Variants in BTNL9 observed in about 807,000 individuals in gnomAD.
BTNL9 encodes butyrophilin-like protein 9.
In BTNL9, 45 loss-of-function variants were observed where a neutral mutation model predicts 45.8. That is an observed-to-expected ratio of 0.98 (90% CI 0.77 to 1.26). The LOEUF is 1.26. Ranked by LOEUF, BTNL9 falls within the 50% of genes most tolerant of loss-of-function variation. The pLI, the probability that BTNL9 is intolerant of heterozygous loss-of-function variation, is 0.00. For missense variants in BTNL9, 784 were observed against 729.7 expected (o/e 1.07, Z -0.86); for synonymous variants, 346 against 330.8 (o/e 1.05, Z -0.50).
At chr5:181,041,321 A>T (rs1212747860) in intron 1 of BTNL9, among the ~76,000 whole-genome samples, 1 of 152,244 alleles carries the variant, frequency 6.6e-6, no homozygotes, top group Admixed American at 6.5e-5. Flanking sequence ...TTTGTCAGGA[A>T]GATAGTGTTA....
rs1425305646 is a variant in BTNL9 at position 181,050,641 on chromosome 5, C to G, written c.736+272C>G. Among the ~76,000 whole-genome samples, 4 of 152,210 alleles carry G rather than the reference C, an allele frequency of 2.6e-5. No individual in the cohort carries two copies. The highest frequency in any genetic ancestry group is 5.9e-5 in the Non-Finnish European group (4 of 68,038). ...ACCCATCAACTCTGCTCATCAGAGG[C>G]ATCATGGGAGCCAATAGATTCGTAA... On this transcript the variant is annotated intron_variant, in intron 4 of 10. Coordinates refer to ENST00000327705, the MANE Select transcript of BTNL9 (RefSeq NM_152547.5). The surrounding 1 kb of genome is among the most constrained non-coding windows in gnomAD (Gnocchi z 4.9).
intron 9 of BTNL9, chr5:181,056,509 A>G (rs903510916): frequency 1.4e-6 from 1 of 716,278 alleles, no homozygotes; most frequent in East Asian, 2.7e-5. Flanking sequence ...ACTCGTGTGC[A>G]TTCAGTCTGT....
In BTNL9 at chr5:181,059,622, G is replaced by T. The variant is rs770024119; in HGVS notation, c.1368G>T (p.Glu456Asp). 3.7e-6 allele frequency: 6 copies of T among 1,613,574 alleles called. No individual in the cohort carries two copies. The South Asian group carries it at 5.5e-5, about 15-fold the overall frequency. ...PRRLGVFLDY[E>D]AGELSFFNVS... Reference sequence around the variant, plus strand: ...GCCTGGGCGTCTTCCTGGACTACGAGGCCGGAGAGCTGTCCTTCTTCAACG... The same window carrying T: ...GCCTGGGCGTCTTCCTGGACTACGATGCCGGAGAGCTGTCCTTCTTCAACG... Residue 456 changes from glutamate to aspartate, a missense_variant, in exon 11 of 11, where the codon GAG (glutamate) becomes GAT (aspartate). Transcript: ENST00000327705.
At chr5:181,054,855 G>A (rs1453758994) in intron 7 of BTNL9, 1 of 985,456 alleles carries the variant, frequency 1.0e-6, no homozygotes, top group Non-Finnish European at 1.2e-6. Context: ...AAGTCATTAA[G>A]GCTATAGTCT....
At chr5:181,049,692 G>T (rs1215144824) in intron 3 of BTNL9, among the ~76,000 whole-genome samples, 8 of 152,212 alleles carry the variant, frequency 5.3e-5, no homozygotes, top group Non-Finnish European at 1.2e-4. Context: ...AGAGATAAGG[G>T]AGTGTGTATA....
In BTNL9 at chr5:181,059,265, G is replaced by A. The variant is rs752000544; in HGVS notation, c.1011G>A (p.Ala337=). 14 of 1,567,846 alleles carry A rather than the reference G, an allele frequency of 8.9e-6. No homozygotes were observed. In the East Asian group the frequency reaches 9.3e-5, roughly 10 times the overall value. ...AVDVTLDPAS[A]HPSLEVSEDG... ...ATGTGACGCTGGACCCGGCCTCGGC[G>A]CACCCCAGCCTGGAGGTGTCGGAGG... The change falls in exon 11 of 11, where the codon GCG becomes GCA. Residue 337 remains alanine, a synonymous_variant. Transcript: ENST00000327705.
intron 2 of BTNL9, among the ~76,000 whole-genome samples, 172 bp from the exon 3 acceptor site, chr5:181,047,755 C>T (rs1325276662): frequency 1.3e-5 from 2 of 152,174 alleles, no homozygotes; most frequent in Non-Finnish European, 2.9e-5. Context: ...GTGCACTCAA[C>T]GTTTTTTCGT....
intron 4 of BTNL9, among the ~76,000 whole-genome samples, chr5:181,052,248 CG>C (rs1201364495): frequency 6.6e-6 from 1 of 152,140 alleles, no homozygotes; most frequent in Admixed American, 6.5e-5. Flanking sequence ...TCTGATTCCA[CG>C]GATGTGGGAT....
Position 181,042,709 on chromosome 5 carries a change from T to G in BTNL9, c.-24+2277T>G, listed in dbSNP as rs1452277465. ...CTCTTGACAAAGTCTTAGGGAGACCTCAGCTTTAAGTTGTTTTATCTGGCA... is the reference window on the plus strand; with the variant it reads ...CTCTTGACAAAGTCTTAGGGAGACCGCAGCTTTAAGTTGTTTTATCTGGCA... On this transcript the variant is annotated intron_variant, in intron 1 of 10. Transcript: ENST00000327705. This position sits in a 1 kb window ranked among gnomAD's most constrained non-coding sequence, Gnocchi z 4.5. Among the ~76,000 whole-genome samples, 1 of 152,208 alleles carries G rather than the reference T, an allele frequency of 6.6e-6. No individual in the cohort carries two copies. The highest frequency in any genetic ancestry group is 1.9e-4 in the East Asian group (1 of 5,196).
intron 3 of BTNL9, among the ~76,000 whole-genome samples, chr5:181,048,520 C>T (rs373463360): frequency 1.3e-5 from 2 of 151,496 alleles, no homozygotes; most frequent in Non-Finnish European, 2.9e-5. Context: ...TTTGGTAGAC[C>T]GAGGCAAGCA....
chr5:181,045,118 C>T (rs1021621459), intron 1 of BTNL9, among the ~76,000 whole-genome samples: 1 of 152,192 alleles, frequency 6.6e-6, no homozygotes, highest in Non-Finnish European at 1.5e-5. Context: ...AGGAAAGTCG[C>T]TAAGCCCAGA....
At chr5:181,043,760 G>A (rs1445710741) in intron 1 of BTNL9, among the ~76,000 whole-genome samples, 4 of 152,250 alleles carry the variant, frequency 2.6e-5, no homozygotes, top group Non-Finnish European at 5.9e-5. Context: ...ACAGAAGAGA[G>A]GGTGAGAAGG....
chr5:181,056,861 A>C (rs1761908926), intron 9 of BTNL9: 1 of 478,144 alleles, frequency 2.1e-6, no homozygotes, highest in Non-Finnish European at 3.7e-6. Context: ...TTAGGTTTGC[A>C]ACCTCTGAAT....
intron 4 of BTNL9, among the ~76,000 whole-genome samples, chr5:181,051,216 T>C (rs1761523499): frequency 6.6e-6 from 1 of 152,098 alleles, no homozygotes; most frequent in African/African-American, 2.4e-5. Context: ...GGCAGTGAGC[T>C]GAAGGCAAGG....
At chr5:181,056,955 C>T (rs765785634) in intron 9 of BTNL9, 5 of 228,198 alleles carry the variant, frequency 2.2e-5, no homozygotes, top group Non-Finnish European at 4.3e-5. Context: ...CATCACTGAC[C>T]CATTTTTCTT....
rs1363351067 is a variant in BTNL9 at position 181,058,343 on chromosome 5, T to A, written c.956-9T>A. 1 of 1,614,028 alleles carries A rather than the reference T, an allele frequency of 6.2e-7. No individual in the cohort carries two copies. The highest frequency in any genetic ancestry group is 8.5e-7 in the Non-Finnish European group (1 of 1,179,996). On this transcript the variant is annotated splice_polypyrimidine_tract_variant and intron_variant, in intron 9 of 10. Coordinates refer to ENST00000327705, the MANE Select transcript of BTNL9 (RefSeq NM_152547.5). ...CTGAGCTTTTTTCCCCTTTTCTGTT[T>A]GGTTTCAGAGTGGAGAGCAGCCCAA...
Position 181,059,325 on chromosome 5 carries a change from AG to A in BTNL9, c.1073del (p.Gly358AlafsTer17). ...KSVSSRGAPP[G>X]PAPGHPQRFS... ...GCGTGTCTTCCCGCGGGGCGCCGCC[AG>A]GCCCGGCGCCTGGCCACCCGCAGCG... On this transcript the variant is annotated frameshift_variant, in exon 11 of 11. Coordinates refer to ENST00000327705, the MANE Select transcript of BTNL9 (RefSeq NM_152547.5). LOFTEE classifies it low-confidence loss of function (END_TRUNC). 6.4e-7 allele frequency: 1 copy of A among 1,551,436 alleles called. No individual in the cohort carries two copies. The highest frequency in any genetic ancestry group is 8.7e-7 in the Non-Finnish European group (1 of 1,153,040).
At chr5:181,041,026 G>A (rs1247947416) in intron 1 of BTNL9, among the ~76,000 whole-genome samples, 2 of 152,238 alleles carry the variant, frequency 1.3e-5, no homozygotes, top group South Asian at 2.1e-4. Context: ...CACAGTCTCC[G>A]CAGACATATG....
At chr5:181,046,069 C>T (rs1474163579) in intron 2 of BTNL9, among the ~76,000 whole-genome samples, 12 of 133,328 alleles carry the variant, frequency 9.0e-5, no homozygotes, top group East Asian at 4.9e-4. Context: ...CCCCAGCCCC[C>T]AACACCTCCT....
Sources: gnomAD v4.1 joint callset for allele counts (sites outside exome capture counted in the v4.1 genomes callset) on GRCh38, gnomAD v4.1.1 for gene constraint, Gnocchi (gnomAD v3.1) non-coding constraint, MANE v1.5 for transcripts, NCBI Gene and HGNC (gene_info 2026-07-23, HGNC 2026-07-21) for gene names.